Variants in EYS observed in about 807,000 individuals in gnomAD.
The protein encoded by EYS is EGF-like photoreceptor maintenance factor.
A neutral mutation model predicts 282.1 loss-of-function variants in EYS; 250 were observed. The observed-to-expected ratio is 0.89, with a 90% confidence interval of 0.80 to 0.98. EYS has a LOEUF of 0.98. Among genes scored for constraint, EYS ranks in the 50% least tolerant of loss-of-function variants. EYS has a pLI of 0.00. For synonymous variants in EYS, 1,355 were observed against 1,282.9 expected, an observed-to-expected ratio of 1.06 and a Z score of -1.20; for missense variants, 4,016 against 3,709.0, an observed-to-expected ratio of 1.08 and a Z score of -2.15.
Position 65,295,847 on chromosome 6 carries a change from G to GAAAA in EYS, c.2023+12_2023+15dup. On this transcript the variant is annotated intron_variant, in intron 12 of 42. Transcript: ENST00000503581. ...TTTACTAGAAAATTTAATTTATCAGGAAAAAAAAAACTTGCCTTTAAATCC... is the reference window on the plus strand; with the variant it reads ...TTTACTAGAAAATTTAATTTATCAGGAAAAAAAAAAAAAACTTGCCTTTAAATCC... 1 of 1,397,550 alleles carries GAAAA rather than the reference G, an allele frequency of 7.2e-7. No individual in the cohort carries two copies. Among genetic ancestry groups the GAAAA allele is most frequent in the Non-Finnish European group, 9.6e-7 (1 of 1,044,912 alleles). 86.6% of individuals were successfully genotyped at this position (1,397,550 alleles called of 1,614,324 possible). A position where few individuals can be genotyped will look rare whatever the true frequency, so the allele number is the denominator to read the frequency against.
chr6:64,523,447 C>T (rs1428669494), intron 26 of EYS, among the ~76,000 whole-genome samples: 1 of 151,710 alleles, frequency 6.6e-6, no homozygotes, highest in African/African-American at 2.4e-5. Context: ...TATTAGTACT[C>T]GCATACACAA....
Position 64,361,340 on chromosome 6 carries a change from G to C in EYS, c.6078+27350C>G, listed in dbSNP as rs1255504567. Among the ~76,000 whole-genome samples the C allele has an allele frequency of 2.6e-5, 4 of 151,570 alleles. No individual in the cohort carries two copies. The East Asian group carries it at 7.8e-4, about 30-fold the overall frequency. ...TTCATGGACAAGTAAACTGACTGCA[G>C]AGCGATATGATAACTACTAAAGGAA... On this transcript the variant is annotated intron_variant, in intron 29 of 42. Transcript: ENST00000503581.
At chr6:65,437,601 A>C (rs2150389266) in intron 5 of EYS, among the ~76,000 whole-genome samples, 1 of 152,320 alleles carries the variant, frequency 6.6e-6, no homozygotes, top group South Asian at 2.1e-4. Context: ...TATAACTTAA[A>C]ATTTTAAAGA....
chr6:64,349,131 G>C (rs893309545), intron 29 of EYS, among the ~76,000 whole-genome samples: 1 of 151,228 alleles, frequency 6.6e-6, no homozygotes, highest in Non-Finnish European at 1.5e-5. Flanking sequence ...TGGAATATAC[G>C]CTCAGTTTTG....
intron 12 of EYS, among the ~76,000 whole-genome samples, chr6:65,213,726 C>G (rs924767588): frequency 5.9e-5 from 9 of 152,032 alleles, no homozygotes; most frequent in African/African-American, 2.2e-4. Flanking sequence ...CTCCTCAGGC[C>G]TATTCTATGA....
chr6:64,277,097 A>G (rs1054309662), intron 30 of EYS, among the ~76,000 whole-genome samples: 5 of 152,164 alleles, frequency 3.3e-5, no homozygotes, highest in Non-Finnish European at 7.4e-5. Context: ...ATACATAGAA[A>G]TTCTCCAAAT....
chr6:63,777,717 T>C (rs535981779), intron 40 of EYS: 1 of 272,572 alleles, frequency 3.7e-6, no homozygotes, highest in Non-Finnish European at 7.0e-6. Flanking sequence ...AACATTTCTG[T>C]CTACTCTCTC....
intron 12 of EYS, among the ~76,000 whole-genome samples, chr6:65,267,842 C>A (rs984893504): frequency 1.3e-5 from 2 of 151,804 alleles, no homozygotes; most frequent in Admixed American, 6.6e-5. Context: ...TTTTTCTATC[C>A]AATTTCTTCA....
intron 12 of EYS, among the ~76,000 whole-genome samples, chr6:65,277,919 A>G (rs1255943829): frequency 2.0e-5 from 3 of 152,070 alleles, no homozygotes; most frequent in Admixed American, 2.0e-4. Flanking sequence ...GCCACATGGT[A>G]CTCAGATATT....
chr6:64,313,048 A>C (rs1389394031), intron 29 of EYS, among the ~76,000 whole-genome samples: 1 of 152,258 alleles, frequency 6.6e-6, no homozygotes, highest in Non-Finnish European at 1.5e-5. Flanking sequence ...AATTGGAAGA[A>C]GTAGGCTTCA....
At chr6:65,255,092 C>A (rs960848600) in intron 12 of EYS, among the ~76,000 whole-genome samples, 22 of 151,806 alleles carry the variant, frequency 1.4e-4, no homozygotes, top group African/African-American at 5.3e-4. Flanking sequence ...GCAAAAAGAA[C>A]AAAACTGGAG....
intron 36 of EYS, among the ~76,000 whole-genome samples, chr6:63,830,223 C>T (rs934234609): frequency 2.0e-5 from 3 of 152,180 alleles, no homozygotes; most frequent in Non-Finnish European, 4.4e-5. Context: ...ATGACTTTGA[C>T]AAGTTGAGAG....
At chr6:64,244,963 G>C (rs1766961954) in intron 30 of EYS, among the ~76,000 whole-genome samples, 1 of 151,136 alleles carries the variant, frequency 6.6e-6, no homozygotes, top group South Asian at 2.1e-4. Context: ...ATCTCCTAAT[G>C]CTATCCCTCC....
chr6:64,508,240 A>G (rs1048034706), intron 26 of EYS, among the ~76,000 whole-genome samples: 1 of 152,182 alleles, frequency 6.6e-6, no homozygotes, highest in African/African-American at 2.4e-5. Context: ...ACAAATAAGA[A>G]AATTGGTCTT....
At chr6:65,176,498 TA>T (rs1031557352) in intron 12 of EYS, among the ~76,000 whole-genome samples, 50 of 151,418 alleles carry the variant, frequency 3.3e-4, no homozygotes, top group South Asian at 1.0e-3. Flanking sequence ...ACATTTTATT[TA>T]AAAAAAACTA....
At chr6:64,940,496 T>C (rs1449472080) in intron 15 of EYS, among the ~76,000 whole-genome samples, 1 of 152,052 alleles carries the variant, frequency 6.6e-6, no homozygotes, top group Admixed American at 6.6e-5. Context: ...TAACAATTAA[T>C]ATTATGTTTT....
chr6:65,191,910 G>A (rs1323073845), intron 12 of EYS, among the ~76,000 whole-genome samples: 1 of 151,448 alleles, frequency 6.6e-6, no homozygotes, highest in African/African-American at 2.4e-5. Flanking sequence ...TCTATTTTCA[G>A]TGGTTAACTT....
At chr6:64,696,045 A>G (rs1770567857) in intron 22 of EYS, among the ~76,000 whole-genome samples, 1 of 152,202 alleles carries the variant, frequency 6.6e-6, no homozygotes, top group Non-Finnish European at 1.5e-5. Flanking sequence ...TAAAAAATTC[A>G]AAATGCTGAT....
At chr6:64,023,446 C>T (rs1231137527) in intron 33 of EYS, among the ~76,000 whole-genome samples, 2 of 152,210 alleles carry the variant, frequency 1.3e-5, no homozygotes, top group South Asian at 2.1e-4. Flanking sequence ...TTGTAGTGTA[C>T]CATTTTACGC....
Sources: allele counts gnomAD v4.1 joint callset (sites outside exome capture counted in the v4.1 genomes callset), GRCh38; gene constraint gnomAD v4.1.1; transcripts MANE v1.5; gene names NCBI Gene and HGNC (gene_info 2026-07-23, HGNC 2026-07-21).